PIR: variants seen among roughly 807,000 people sequenced by gnomAD.
PIR encodes the protein pirin, also known as pirin (iron-binding nuclear protein).
In PIR, 22 loss-of-function variants were observed where a neutral mutation model predicts 24.2. The observed-to-expected ratio is 0.91, with a 90% CI of 0.65 to 1.30. PIR has a LOEUF of 1.30. Among genes scored for constraint, PIR ranks in the 50% most tolerant of loss-of-function variants. The pLI, the probability that PIR is intolerant of heterozygous loss-of-function variation, is 0.00. For synonymous variants in PIR, 80 were observed against 79.6 expected, an observed-to-expected ratio of 1.00 and a Z score of -0.03; for missense variants, 220 against 220.3, an observed-to-expected ratio of 1.00 and a Z score of 0.01.
Position 15,405,778 on chromosome X carries a change from CT to C in PIR, c.610+1727del, listed in dbSNP as rs755589666. Among the ~76,000 whole-genome samples, 14 of 112,320 alleles carry C rather than the reference CT, an allele frequency of 1.2e-4. No homozygotes were observed. In the South Asian group the frequency reaches 1.4e-3, roughly 12 times the overall value. The stretch of plus-strand genomic sequence containing the variant: ...ATAAACTTATGATACTACTACAAGA[CT>C]TTTTTTCACACTTTCTCCAGTGCTA... On this transcript the variant is annotated intron_variant, in intron 7 of 9. Transcript: ENST00000380420.
chrX:15,396,784 C>T (rs1299341765), intron 8 of PIR, among the ~76,000 whole-genome samples: 2 of 64,348 alleles, frequency 3.1e-5, no homozygotes, highest in Admixed American at 3.1e-4. Flanking sequence ...CTGTGTTGCC[C>T]AGCTGGAGTG....
rs199980212 is a variant in PIR at position 15,437,593 on chromosome X, AC to A, written c.481-11604del. On this transcript the variant is annotated intron_variant, in intron 5 of 9. Transcript: ENST00000380420. ...TGATGCCAAACTCCAATTTTCGCAC[AC>A]CAAATTGCTTTAAATATATTCCAAA... 5.9e-3 allele frequency among the ~76,000 whole-genome samples: 662 copies of A among 112,211 alleles called. 6 individuals are homozygous for A. The highest frequency in any genetic ancestry group is 0.02 in the African/African-American group (618 of 30,893).
chrX:15,408,882 C>T (rs1924634430), intron 6 of PIR, among the ~76,000 whole-genome samples: 1 of 111,642 alleles, frequency 9.0e-6, no homozygotes, highest in African/African-American at 3.3e-5. Context: ...AAACGTTCAA[C>T]TGGATACAAA....
chrX:15,479,389 G>A (rs55950095), intron 3 of PIR, among the ~76,000 whole-genome samples: 2,221 of 107,090 alleles, frequency 0.021, 27 homozygotes, highest in Middle Eastern at 0.042. Context: ...CTGTTGCCCA[G>A]AATGGAGCGT....
intron 2 of PIR, among the ~76,000 whole-genome samples, chrX:15,488,291 AAAAAAAAAAGAAAAG>A (rs1922960957): frequency 3.6e-5 from 3 of 84,207 alleles, no homozygotes; most frequent in Non-Finnish European, 6.9e-5. Context: ...AAAAAAAAAA[AAAAAAAAAAGAAAAG>A]AAAGAAAAAG....
At chrX:15,478,910 C>T (rs1922350853) in intron 3 of PIR, among the ~76,000 whole-genome samples, 1 of 112,013 alleles carries the variant, frequency 8.9e-6, no homozygotes, top group African/African-American at 3.2e-5. Context: ...TATAAACACA[C>T]TGAGCCTTTA....
chrX:15,424,031 A>G lies in PIR; in HGVS notation c.565+1875T>C, dbSNP rs139614274. 5.5e-3 allele frequency among the ~76,000 whole-genome samples: 620 copies of G among 112,316 alleles called. 5 individuals carry two copies. Among genetic ancestry groups the G allele is most frequent in the African/African-American group, 0.019 (577 of 30,881 alleles). ...ATGAAGGTTCCTCAAAAAACTAAAC[A>G]TAGAACTACCATATAATCCAGCAAT... On this transcript the variant is annotated intron_variant, in intron 6 of 9. Transcript: ENST00000380420.
chrX:15,471,444 T>G (rs1444653488), intron 3 of PIR, among the ~76,000 whole-genome samples: 1 of 111,809 alleles, frequency 8.9e-6, no homozygotes, highest in Non-Finnish European at 1.9e-5. Flanking sequence ...GAAATATTGT[T>G]CATTCATCTA....
chrX:15,394,919 G>A (rs1924077245), intron 8 of PIR, among the ~76,000 whole-genome samples: 1 of 112,099 alleles, frequency 8.9e-6, no homozygotes, highest in South Asian at 3.7e-4. Flanking sequence ...AGGAGATACT[G>A]CCCATACTAC....
At chrX:15,425,706 G>A (rs906124442) in intron 6 of PIR, among the ~76,000 whole-genome samples, 200 bp downstream of exon 6, 38 of 112,048 alleles carry the variant, frequency 3.4e-4, no homozygotes, top group Middle Eastern at 4.2e-3. Context: ...CACCGTGCCC[G>A]GCCTCTTCCT....
At chrX:15,393,031 C>T (rs776456841) in intron 8 of PIR, among the ~76,000 whole-genome samples, 1 of 111,627 alleles carries the variant, frequency 9.0e-6, no homozygotes, top group East Asian at 2.8e-4. Context: ...AATTAAATAC[C>T]CATTTAAAAC....
chrX:15,447,398 T>C (rs960011966), intron 5 of PIR, among the ~76,000 whole-genome samples: 1 of 110,540 alleles, frequency 9.0e-6, no homozygotes, highest in African/African-American at 3.3e-5. Context: ...CACTGCAAGC[T>C]CCGCCTCGCG....
chrX:15,422,874 C>A (rs1414822419), intron 6 of PIR, among the ~76,000 whole-genome samples: 1 of 111,542 alleles, frequency 9.0e-6, no homozygotes, highest in East Asian at 2.8e-4. Flanking sequence ...CAATCCTGAG[C>A]AAAATGAACA....
At position 15,455,461 on chromosome X, in the gene PIR, G is replaced by A. The variant is rs751580770; in HGVS notation, c.480+387C>T. Among the ~76,000 whole-genome samples, 4 of 112,507 alleles carry A rather than the reference G, an allele frequency of 3.6e-5. No individual in the cohort carries two copies. In the South Asian group the frequency reaches 1.5e-3, roughly 41 times the overall value. On this transcript the variant is annotated intron_variant, in intron 5 of 9. Coordinates refer to ENST00000380420, the MANE Select transcript of PIR (RefSeq NM_001018109.3). The stretch of plus-strand genomic sequence containing the variant: ...AGTAATTTACATAAATCTTTGTGAA[G>A]TGGAGTTTAGTCTTGCTTTTTGGTT...
intron 5 of PIR, among the ~76,000 whole-genome samples, chrX:15,426,345 T>C (rs1056985100): frequency 8.9e-6 from 1 of 112,086 alleles, no homozygotes; most frequent in African/African-American, 3.2e-5. Context: ...CACAACCAAA[T>C]GTATGTTTCT....
intron 5 of PIR, among the ~76,000 whole-genome samples, chrX:15,454,423 G>C (rs773530935): frequency 5.6e-5 from 6 of 107,751 alleles, no homozygotes; most frequent in Admixed American, 9.9e-5. Flanking sequence ...AATTACTTTT[G>C]TTTGCACTAG....
At chrX:15,398,669 GGTGTGTGTGT>G (rs371177726) in intron 7 of PIR, among the ~76,000 whole-genome samples, 8 of 76,116 alleles carry the variant, frequency 1.1e-4, no homozygotes, top group East Asian at 4.5e-4. Context: ...GAGGAGGGAG[GGTGTGTGTGT>G]GTGTGTGTGT....
At chrX:15,445,383 C>CG (rs1441457981) in intron 5 of PIR, among the ~76,000 whole-genome samples, 1 of 109,822 alleles carries the variant, frequency 9.1e-6, no homozygotes, top group Non-Finnish European at 1.9e-5. Context: ...CCGGGCCAGT[C>CG]GGGGGGTGGG....
chrX:15,491,405 T>G, intron 1 of PIR, 96 bp from the exon 2 acceptor site: 1 of 405,810 alleles, frequency 2.5e-6, no homozygotes, highest in Non-Finnish European at 4.3e-6. Context: ...CGCAAAATAG[T>G]AGCAGCTACA....
Sources: gnomAD v4.1 joint callset for allele counts (sites outside exome capture counted in the v4.1 genomes callset) on GRCh38, gnomAD v4.1.1 for gene constraint, MANE v1.5 for transcripts, NCBI Gene and HGNC (gene_info 2026-07-23, HGNC 2026-07-21) for gene names.